DVL1: variants seen among roughly 807,000 people sequenced by gnomAD.
DVL1 encodes the protein segment polarity protein dishevelled homolog DVL-1.
In DVL1, 49 loss-of-function variants were observed where a neutral mutation model predicts 65.0. The ratio of observed to expected loss-of-function variants is 0.75; its 90% CI spans 0.60 to 0.96. DVL1 has a LOEUF of 0.96. DVL1 is among the 40% of genes least tolerant of loss of function. DVL1 has a pLI of 0.00. For missense variants in DVL1, 1,197 were observed against 1,045.4 expected (o/e 1.15, Z -2.00); for synonymous variants, 608 against 433.9 (o/e 1.40, Z -4.99).
chr1:1,347,097 C>T (rs1318622087), intron 1 of DVL1, among the ~76,000 whole-genome samples: 1 of 152,060 alleles, frequency 6.6e-6, no homozygotes, highest in Non-Finnish European at 1.5e-5. Context: ...AGCAAGGCCC[C>T]CATCCCAGCC....
At position 1,339,615 on chromosome 1, in the gene DVL1, G is replaced by A; in HGVS notation, c.1021C>T (p.Pro341Ser). 1 of 1,608,022 alleles carries A rather than the reference G, an allele frequency of 6.2e-7. No individual in the cohort carries two copies. The highest frequency in any genetic ancestry group is 8.5e-7 in the Non-Finnish European group (1 of 1,176,352). Reference protein sequence around the residue: ...ISLTVAKCWDPTPRSYFTVPR... With the variant: ...ISLTVAKCWDSTPRSYFTVPR... The stretch of plus-strand genomic sequence containing the variant: ...ACGGTGAAGTAGCTTCGGGGCGTTG[G>A]GTCCCAGCACTTGGCCACAGTGAGG... Residue 341 changes from proline to serine, a missense_variant, in exon 10 of 15, where the codon CCA (proline) becomes TCA (serine). By Grantham distance (74) the Pro-to-Ser change is moderately conservative (BLOSUM62 -1). Transcript: ENST00000378888.
Position 1,339,304 on chromosome 1 carries a change from G to C in DVL1, c.1190C>G (p.Ser397Cys). 1.9e-6 allele frequency: 3 copies of C among 1,548,598 alleles called. No individual in the cohort carries two copies. Among genetic ancestry groups the C allele is most frequent in the Non-Finnish European group, 1.7e-6 (2 of 1,146,900 alleles). Residue 397 changes from serine to cysteine, a missense_variant, in exon 11 of 15, where the codon TCC (serine) becomes TGC (cysteine). By Grantham distance (112) the Ser-to-Cys change is moderately radical. Transcript: ENST00000378888. ...CCACTTACGTGGAGCACCAGGCACG[G>C]AGCTGGTTAGTGAGGAGGAGCTGGT... ...TRTSSSSLTS[S>C]VPGAPQLEEA... is the part of the protein sequence containing the mutation.
Position 1,340,345 on chromosome 1 carries a change from G to A in DVL1, c.700-29C>T, listed in dbSNP as rs750154582. The A allele has an allele frequency of 1.5e-5, 25 of 1,613,650 alleles. No homozygotes were observed. The East Asian group carries it at 1.6e-4, about 10-fold the overall frequency. ...TGGAGGAGAGGGGGCGTGTGTAAAA[G>A]GCACGGGGCTGCCCGACACTGACTT... On this transcript the variant is annotated intron_variant, in intron 6 of 14. Coordinates refer to ENST00000378888, the MANE Select transcript of DVL1 (RefSeq NM_001330311.2).
Position 1,338,020 on chromosome 1 carries a change from G to A in DVL1, c.1671C>T (p.Gly557=). The A allele has an allele frequency of 1.2e-6, 2 of 1,612,052 alleles. No individual in the cohort carries two copies. Among genetic ancestry groups the A allele is most frequent in the South Asian group, 1.1e-5 (1 of 91,050 alleles). The change falls in exon 14 of 15, where the codon GGC becomes GGT. Residue 557 remains glycine (G), a synonymous_variant. Transcript: ENST00000378888. ...CGGTGCTGCCGCTGCCATAGCTAAAGCCCGGGTCCTGGTAGGCAGGCGGGA... is the reference window on the plus strand; with the variant it reads ...CGGTGCTGCCGCTGCCATAGCTAAAACCCGGGTCCTGGTAGGCAGGCGGGA... ...PCFPPAYQDP[G]FSYGSGSTGS... is the part of the protein sequence containing the mutation.
chr1:1,348,818 C>A (rs1398329987), intron 1 of DVL1, 78 bp downstream of exon 1: 3 of 1,326,918 alleles, frequency 2.3e-6, no homozygotes, highest in African/African-American at 1.6e-5. Context: ...CGGCTCAGGA[C>A]CCCCGCCCCG....
intron 1 of DVL1, among the ~76,000 whole-genome samples, chr1:1,343,370 G>C (rs1643876785): frequency 6.6e-6 from 1 of 151,830 alleles, no homozygotes; most frequent in Non-Finnish European, 1.5e-5. Context: ...GCTATTCCCT[G>C]TCCCTTGCCC....
At chr1:1,344,317 G>C (rs1030658886) in intron 1 of DVL1, among the ~76,000 whole-genome samples, 1 of 152,174 alleles carries the variant, frequency 6.6e-6, no homozygotes, top group Non-Finnish European at 1.5e-5. Flanking sequence ...GTCCCACTGC[G>C]AGCTACAGAG....
In DVL1 at chr1:1,339,659, C is replaced by T. The variant is rs201285495; in HGVS notation, c.987-10G>A. 16 of 1,611,438 alleles carry T rather than the reference C, an allele frequency of 9.9e-6. No individual in the cohort carries two copies. The highest frequency in any genetic ancestry group is 3.3e-4 in the Middle Eastern group (2 of 6,048). On this transcript the variant is annotated splice_polypyrimidine_tract_variant and intron_variant, in intron 9 of 14. Coordinates refer to ENST00000378888, the MANE Select transcript of DVL1 (RefSeq NM_001330311.2). ...AGTGAGGCTGATGGGCCTGCAGGAA[C>T]GGTGGTCACACAGCAAGGCCCCCAT...
intron 1 of DVL1, among the ~76,000 whole-genome samples, chr1:1,346,346 C>T (rs1420221758): frequency 6.6e-6 from 1 of 152,196 alleles, no homozygotes; most frequent in Non-Finnish European, 1.5e-5. Flanking sequence ...GGGAGCTGTG[C>T]CCAACAGACA....
chr1:1,340,061 C>T lies in DVL1; in HGVS notation c.886G>A (p.Glu296Lys), dbSNP rs984999165. 3.1e-6 allele frequency: 5 copies of T among 1,612,788 alleles called. No homozygotes were observed. Among genetic ancestry groups the T allele is most frequent in the Admixed American group, 1.7e-5 (1 of 59,980 alleles). ...ACCTGCAGCAACATGTCGCCGGGCTCGATGCGGCCGTCAGCGGCCACAGCC... is the reference window on the plus strand; with the variant it reads ...ACCTGCAGCAACATGTCGCCGGGCTTGATGCGGCCGTCAGCGGCCACAGCC... ...GGAVAADGRI[E>K]PGDMLLQVND... is the part of the protein sequence containing the mutation. The change falls in exon 8 of 15, where the codon GAG becomes AAG. Residue 296 changes from glutamate to lysine, a missense_variant. Glu to Lys is a moderately conservative substitution (Grantham distance 56). Coordinates refer to ENST00000378888, the MANE Select transcript of DVL1 (RefSeq NM_001330311.2).
intron 1 of DVL1, among the ~76,000 whole-genome samples, chr1:1,347,720 C>T (rs1217081502): frequency 1.3e-5 from 2 of 152,228 alleles, no homozygotes; most frequent in Non-Finnish European, 2.9e-5. Context: ...GGGAGGAGCC[C>T]GGACCAGACT....
At chr1:1,338,244 C>CCCT (rs1269504731) in intron 13 of DVL1, 25 bp downstream of exon 13, 2 of 1,593,750 alleles carry the variant, frequency 1.3e-6, no homozygotes, top group Admixed American at 1.7e-5. Flanking sequence ...TCCCCCCCGC[C>CCCT]CTGAAGCCCG....
chr1:1,337,313 C>A (rs1051070104), intron 14 of DVL1, among the ~76,000 whole-genome samples: 6 of 152,166 alleles, frequency 3.9e-5, no homozygotes, highest in African/African-American at 1.4e-4. Flanking sequence ...TGCAGACGCC[C>A]CTGCTGGCCT....
Position 1,342,036 on chromosome 1 carries a change from AGACAT to A in DVL1, c.466+12_466+16del, listed in dbSNP as rs1432233768. The A allele has an allele frequency of 4.5e-6, 7 of 1,550,930 alleles. No individual in the cohort carries two copies. Among genetic ancestry groups the A allele is most frequent in the Non-Finnish European group, 6.1e-6 (7 of 1,144,026 alleles). ...GGAGGCTGGGGGTCCACAGCTGGGCAGACATGACCACTGTACCCTCCTCGCGGTTC... is the reference window on the plus strand; with the variant it reads ...GGAGGCTGGGGGTCCACAGCTGGGCAGACCACTGTACCCTCCTCGCGGTTC... On this transcript the variant is annotated intron_variant, in intron 4 of 14. Coordinates refer to ENST00000378888, the MANE Select transcript of DVL1 (RefSeq NM_001330311.2).
chr1:1,337,031 G>A (rs953060209), intron 14 of DVL1: 61 of 989,098 alleles, frequency 6.2e-5, no homozygotes, highest in South Asian at 9.3e-5. Flanking sequence ...CCCAAGGTCC[G>A]CTCCGCTAGT....
Position 1,338,590 on chromosome 1 carries a change from A to G in DVL1, c.1271T>C (p.Leu424Pro). 6.2e-7 allele frequency: 1 copy of G among 1,612,418 alleles called. No homozygotes were observed. Among genetic ancestry groups the G allele is most frequent in the African/African-American group, 1.3e-5 (1 of 75,042 alleles). Residue 424 changes from leucine to proline, a missense_variant, in exon 12 of 15, where the codon CTG (leucine) becomes CCG (proline). Coordinates refer to ENST00000378888, the MANE Select transcript of DVL1 (RefSeq NM_001330311.2). ...GCGGATCTCCAGTCCCGAGTCTGGCAGCTGCATGACCCGGACGACGGCGCT... is the reference window on the plus strand; with the variant it reads ...GCGGATCTCCAGTCCCGAGTCTGGCGGCTGCATGACCCGGACGACGGCGCT... ...DMSAVVRVMQLPDSGLEIRDR... is the reference protein window; with the variant it reads ...DMSAVVRVMQPPDSGLEIRDR...
rs1557665101 is a variant in DVL1 at position 1,338,614 on chromosome 1, C to T, written c.1247G>A (p.Ser416Asn). The T allele has an allele frequency of 6.2e-7, 1 of 1,611,988 alleles. No homozygotes were observed. Among genetic ancestry groups the T allele is most frequent in the East Asian group, 2.2e-5 (1 of 44,878 alleles). ...CAGCTGCATGACCCGGACGACGGCG[C>T]TCATGTCACTCTTCACCGTCAGCGG... Reference protein sequence around the residue: ...EAPLTVKSDMSAVVRVMQLPD... With the variant: ...EAPLTVKSDMNAVVRVMQLPD... Residue 416 changes from serine (S) to asparagine (N), a missense_variant, in exon 12 of 15, where the codon AGC (serine) becomes AAC (asparagine). Ser to Asn is a conservative substitution (Grantham distance 46). Transcript: ENST00000378888.
At chr1:1,338,480 C>T (rs755938775) in intron 12 of DVL1, 42 bp downstream of exon 12, 24 of 1,610,562 alleles carry the variant, frequency 1.5e-5, no homozygotes, top group East Asian at 4.5e-5. Flanking sequence ...AGGCAAGCAG[C>T]CCTGCCCCTG....
chr1:1,348,295 GGGAAC>G (rs1260199888), intron 1 of DVL1, among the ~76,000 whole-genome samples: 2 of 152,162 alleles, frequency 1.3e-5, no homozygotes, highest in Non-Finnish European at 2.9e-5. Flanking sequence ...GGGCTGCTCC[GGGAAC>G]GCAAGTGCTT....
Sources: allele counts gnomAD v4.1 joint callset (sites outside exome capture counted in the v4.1 genomes callset), GRCh38; gene constraint gnomAD v4.1.1; transcripts MANE v1.5; gene names NCBI Gene and HGNC (gene_info 2026-07-23, HGNC 2026-07-21).